The following AAGAB variants were observed in gnomAD, a reference collection of about 807,000 sequenced individuals.
AAGAB encodes alpha and gamma adaptin binding protein, also known as alpha- and gamma-adaptin-binding protein p34.
A neutral mutation model predicts 44.1 loss-of-function variants in AAGAB; 38 were observed. That is an observed-to-expected ratio of 0.86 (90% CI 0.67 to 1.13). The LOEUF is 1.13. AAGAB is among the 50% of genes most tolerant of loss of function. The pLI is 0.00. For synonymous variants in AAGAB, 131 were observed against 131.8 expected, an observed-to-expected ratio of 0.99 and a Z score of 0.04; for missense variants, 450 against 373.8, an observed-to-expected ratio of 1.20 and a Z score of -1.68.
chr15:67,224,601 T>C (rs1013510328), intron 5 of AAGAB, among the ~76,000 whole-genome samples: 1 of 150,210 alleles, frequency 6.7e-6, no homozygotes, highest in Non-Finnish European at 1.5e-5. Context: ...TTTTTTTTTT[T>C]GAGCAGTCTC....
intron 5 of AAGAB, among the ~76,000 whole-genome samples, chr15:67,212,172 C>G (rs1963838913): frequency 6.6e-6 from 1 of 152,204 alleles, no homozygotes; most frequent in Admixed American, 6.5e-5. Context: ...TGAGCTACGG[C>G]ACCCGGCCGA....
chr15:67,208,756 A>G, intron 6 of AAGAB, 98 bp from the exon 7 acceptor site: 2 of 1,037,730 alleles, frequency 1.9e-6, no homozygotes, highest in Non-Finnish European at 2.9e-6. Flanking sequence ...TTGGCTTGAG[A>G]AAAGAGTAAT....
chr15:67,250,563 T>C (rs1964838832), intron 1 of AAGAB, among the ~76,000 whole-genome samples: 1 of 152,236 alleles, frequency 6.6e-6, no homozygotes, highest in Non-Finnish European at 1.5e-5. Flanking sequence ...GAACAGAGAC[T>C]GTCTCTGTGT....
rs1963595546 is a variant in AAGAB, at chr15:67,202,764, G to A, written c.*57C>T. The stretch of plus-strand genomic sequence containing the variant: ...TGGCAAAATATGACTGGGCTGAGTA[G>A]AGAGGTATCTCAGAGACAGCTAGCA... On this transcript the variant is annotated 3_prime_UTR_variant, in exon 10 of 10. Transcript: ENST00000261880. 6 of 1,559,504 alleles carry A rather than the reference G, an allele frequency of 3.8e-6. No individual in the cohort carries two copies. Among genetic ancestry groups the A allele is most frequent in the South Asian group, 2.2e-5 (2 of 90,050 alleles).
At position 67,201,140 on chromosome 15, in the gene AAGAB, C is replaced by T. The variant is rs891680906; in HGVS notation, c.*1681G>A. ...CTAACCAGATGGCCTAGTATATTTT[C>T]TAAAACCTTCCATCTTTTAAGGAAA... On this transcript the variant is annotated 3_prime_UTR_variant, in exon 10 of 10. Transcript: ENST00000261880. 6.6e-6 allele frequency: 1 copy of T among 151,008 alleles called. No individual in the cohort carries two copies. The highest frequency in any genetic ancestry group is 6.6e-5 in the Admixed American group (1 of 15,166). 9.4% of individuals were successfully genotyped at this position (151,008 alleles called of 1,614,324 possible).
At position 67,200,687 on chromosome 15, in the gene AAGAB, C is replaced by T. The variant is rs1963552735; in HGVS notation, c.*2134G>A. On this transcript the variant is annotated 3_prime_UTR_variant, in exon 10 of 10. Transcript: ENST00000261880. Reference sequence around the variant, plus strand: ...GTCTCTTATTTTAAATTCCAGCTGGCAATTCTGTAACAACTTGTGGTAGCA... The same window carrying T: ...GTCTCTTATTTTAAATTCCAGCTGGTAATTCTGTAACAACTTGTGGTAGCA... Among the ~76,000 whole-genome samples, 1 of 152,176 alleles carries T rather than the reference C, an allele frequency of 6.6e-6. No individual in the cohort carries two copies. Among genetic ancestry groups the T allele is most frequent in the Non-Finnish European group, 1.5e-5 (1 of 68,038 alleles).
At chr15:67,254,902 A>G, upstream of AAGAB, 1 of 1,613,762 alleles carries the variant, frequency 6.2e-7, no homozygotes, top group Non-Finnish European at 8.5e-7. Flanking sequence ...TAGCCATGGC[A>G]CAGAACACTG....
chr15:67,207,866 TTCA>T (rs1301851847), intron 7 of AAGAB, among the ~76,000 whole-genome samples: 2 of 138,468 alleles, frequency 1.4e-5, no homozygotes, highest in Admixed American at 1.5e-4. Flanking sequence ...TTTCTTCTTC[TTCA>T]TATGTTTCTA....
At position 67,254,607 on chromosome 15, in the gene AAGAB, A is replaced by G; in HGVS notation, c.25T>C (p.Leu9=). 6.2e-7 allele frequency: 1 copy of G among 1,608,352 alleles called. No individual in the cohort carries two copies. The highest frequency in any genetic ancestry group is 8.5e-7 in the Non-Finnish European group (1 of 1,178,706). ...AAGACGGAGGAGCAGCTGGTGACTAACGCACAGGGTACGCCAGCAGCCATA... is the reference window on the plus strand; with the variant it reads ...AAGACGGAGGAGCAGCTGGTGACTAGCGCACAGGGTACGCCAGCAGCCATA... MAAGVPCA[L]VTSCSSVFSG... Residue 9 remains leucine (L), a synonymous_variant, in exon 1 of 10, where the codon TTA becomes CTA. Coordinates refer to ENST00000261880, the MANE Select transcript of AAGAB (RefSeq NM_024666.5).
At chr15:67,203,490 T>C (rs1300891149) in intron 9 of AAGAB, 58 bp downstream of exon 9, 11 of 1,409,088 alleles carry the variant, frequency 7.8e-6, no homozygotes, top group Admixed American at 7.3e-5. Context: ...TATATAATTA[T>C]AATAATAGCA....
intron 6 of AAGAB, 144 bp from the exon 7 acceptor site, chr15:67,208,802 A>G (rs1408856016): frequency 6.4e-6 from 4 of 624,234 alleles, no homozygotes; most frequent in Non-Finnish European, 8.1e-6. Context: ...GCAAGATCAC[A>G]TTAAAAAAAT....
intron 5 of AAGAB, among the ~76,000 whole-genome samples, chr15:67,224,083 AT>A (rs1964144777): frequency 6.6e-6 from 1 of 152,182 alleles, no homozygotes; most frequent in South Asian, 2.1e-4. Context: ...CTAATACACT[AT>A]ATAACATACT....
At chr15:67,212,103 G>A (rs941325084) in intron 5 of AAGAB, among the ~76,000 whole-genome samples, 4 of 152,052 alleles carry the variant, frequency 2.6e-5, no homozygotes, top group Non-Finnish European at 5.9e-5. Context: ...GGATGGTCTC[G>A]ATCTCCTGAC....
chr15:67,248,549 T>C (rs1163772299), intron 1 of AAGAB, among the ~76,000 whole-genome samples: 1 of 152,232 alleles, frequency 6.6e-6, no homozygotes, highest in Non-Finnish European at 1.5e-5. Context: ...CTCAAGCTTT[T>C]ATCCCCATTC....
At chr15:67,253,349 G>A (rs866137466) in intron 1 of AAGAB, among the ~76,000 whole-genome samples, 3 of 151,136 alleles carry the variant, frequency 2.0e-5, no homozygotes, top group African/African-American at 7.3e-5. Flanking sequence ...GATGGCTTGA[G>A]CCCAGGAGGC....
At chr15:67,221,892 T>C (rs577771463) in intron 5 of AAGAB, among the ~76,000 whole-genome samples, 20 of 152,290 alleles carry the variant, frequency 1.3e-4, no homozygotes, top group African/African-American at 4.8e-4. Context: ...TCTACATTGC[T>C]GCAGCCATGT....
intron 5 of AAGAB, among the ~76,000 whole-genome samples, chr15:67,212,519 C>T (rs1283612918): frequency 2.0e-5 from 3 of 152,142 alleles, no homozygotes; most frequent in African/African-American, 4.8e-5. Context: ...TAATCAGGTT[C>T]ACAATTGACT....
At chr15:67,220,004 C>T (rs557424217) in intron 5 of AAGAB, among the ~76,000 whole-genome samples, 8 of 152,076 alleles carry the variant, frequency 5.3e-5, no homozygotes, top group African/African-American at 1.9e-4. Context: ...AATTAAAATT[C>T]AAACCGAAGA....
chr15:67,215,571 T>C (rs1400885521), intron 5 of AAGAB, among the ~76,000 whole-genome samples: 1 of 152,224 alleles, frequency 6.6e-6, no homozygotes, highest in African/African-American at 2.4e-5. Context: ...ACAAAATGTT[T>C]TTCCTGTATT....
Sources: gnomAD v4.1 joint callset for allele counts (sites outside exome capture counted in the v4.1 genomes callset) on GRCh38, gnomAD v4.1.1 for gene constraint, MANE v1.5 for transcripts, NCBI Gene and HGNC (gene_info 2026-07-23, HGNC 2026-07-21) for gene names.